EMILIN2: variants seen among roughly 807,000 people sequenced by gnomAD.
EMILIN2 encodes the protein EMILIN-2.
In EMILIN2, 71 loss-of-function variants were observed where a neutral mutation model predicts 87.1. That is an observed-to-expected ratio of 0.82 (90% CI 0.67 to 0.99). EMILIN2 has a LOEUF of 0.99. EMILIN2 is among the 50% of genes least tolerant of loss of function. EMILIN2 has a pLI of 0.00. For synonymous variants in EMILIN2, 581 were observed against 563.4 expected (o/e 1.03, Z -0.44); for missense variants, 1,407 against 1,371.8 (o/e 1.03, Z -0.40).
intron 2 of EMILIN2, among the ~76,000 whole-genome samples, chr18:2,883,208 G>A (rs914477304): frequency 2.6e-5 from 4 of 152,174 alleles, no homozygotes; most frequent in Non-Finnish European, 5.9e-5. Flanking sequence ...GTAATTGTCA[G>A]TGTGTGACCC....
At chr18:2,896,217 T>C (rs549020191) in intron 4 of EMILIN2, among the ~76,000 whole-genome samples, 1 of 152,080 alleles carries the variant, frequency 6.6e-6, no homozygotes, top group South Asian at 2.1e-4. Flanking sequence ...CCTTTGTTGC[T>C]GGGGCTGGAG....
intron 2 of EMILIN2, among the ~76,000 whole-genome samples, chr18:2,867,990 C>CG (rs1473069310): frequency 2.0e-5 from 3 of 151,810 alleles, no homozygotes; most frequent in Non-Finnish European, 4.4e-5. Flanking sequence ...CTGACCCCCC[C>CG]ACCTCCCTCC....
intron 7 of EMILIN2, 53 bp from the exon 8 acceptor site, chr18:2,913,014 G>A: frequency 6.3e-7 from 1 of 1,583,532 alleles, no homozygotes; most frequent in Admixed American, 1.7e-5. Flanking sequence ...TACTACCATG[G>A]CAAGGGCTGT....
In EMILIN2 at chr18:2,908,391, G is replaced by C. The variant is rs575826814; in HGVS notation, c.2663-552G>C. On this transcript the variant is annotated intron_variant, in intron 5 of 7. Transcript: ENST00000254528. The stretch of plus-strand genomic sequence containing the variant: ...ATATGCAGAGGCTGGGGCACCCCAG[G>C]GACCCACCCACCCATGTATCCATGC... Among the ~76,000 whole-genome samples the C allele has an allele frequency of 3.3e-5, 5 of 152,024 alleles. No homozygotes were observed. In the East Asian group the frequency reaches 5.8e-4, roughly 18 times the overall value.
At position 2,871,463 on chromosome 18, in the gene EMILIN2, G is replaced by T. The variant is rs117903775; in HGVS notation, c.258-13501G>T. On this transcript the variant is annotated intron_variant, in intron 2 of 7. Transcript: ENST00000254528. Reference sequence around the variant, plus strand: ...GTTGGGGGACCATGTGGGGTGAGGGGCACAGGAGGGACTCACTCAGGAGAC... The same window carrying T: ...GTTGGGGGACCATGTGGGGTGAGGGTCACAGGAGGGACTCACTCAGGAGAC... 9.1e-4 allele frequency among the ~76,000 whole-genome samples: 138 copies of T among 152,290 alleles called. 1 individual carries two copies. In the East Asian group the frequency reaches 0.021, roughly 23 times the overall value.
At chr18:2,847,000 G>A, upstream of EMILIN2, 2 of 1,034,502 alleles carry the variant, frequency 1.9e-6, no homozygotes, top group Non-Finnish European at 1.2e-6. The surrounding 1 kb of genome is among the most constrained non-coding windows in gnomAD (Gnocchi z 5.3). Flanking sequence ...GGGCGCACGG[G>A]GCTGCAGAAG....
At chr18:2,912,349 C>A (rs779842451) in intron 7 of EMILIN2, among the ~76,000 whole-genome samples, 1 of 152,062 alleles carries the variant, frequency 6.6e-6, no homozygotes, top group African/African-American at 2.4e-5. Context: ...CCAGGACCAC[C>A]CTTTTTAGCT....
chr18:2,913,478 T>C lies in EMILIN2; in HGVS notation c.*74T>C. The C allele has an allele frequency of 7.9e-7, 1 of 1,264,290 alleles. No individual in the cohort carries two copies. The highest frequency in any genetic ancestry group is 1.5e-5 in the African/African-American group (1 of 66,700). 78.3% of individuals were successfully genotyped at this position (1,264,290 alleles called of 1,614,324 possible). ...AAAGCTTTAATATATTCGGTTTGTA[T>C]GTAATGGAAGCACGGGGCTAGAGTT... On this transcript the variant is annotated 3_prime_UTR_variant, in exon 8 of 8. Coordinates refer to ENST00000254528, the MANE Select transcript of EMILIN2 (RefSeq NM_032048.3).
chr18:2,903,936 T>A (rs1167831914), intron 4 of EMILIN2, among the ~76,000 whole-genome samples: 1 of 152,252 alleles, frequency 6.6e-6, no homozygotes, highest in Non-Finnish European at 1.5e-5. Context: ...TTTTACTCTC[T>A]GTTGCTTTTT....
chr18:2,860,509 T>C (rs1349550186), intron 2 of EMILIN2, among the ~76,000 whole-genome samples: 4 of 152,206 alleles, frequency 2.6e-5, no homozygotes, highest in Admixed American at 6.5e-5. Context: ...GTCCTTGTGA[T>C]AGTTTGCTGA....
At chr18:2,862,711 G>T (rs1300977072) in intron 2 of EMILIN2, among the ~76,000 whole-genome samples, 1 of 152,116 alleles carries the variant, frequency 6.6e-6, no homozygotes, top group Non-Finnish European at 1.5e-5. Context: ...GCCAGGTTTT[G>T]GTATCAGGAT....
Position 2,847,879 on chromosome 18 carries a change from C to A in EMILIN2, c.205C>A (p.Gln69Lys), listed in dbSNP as rs1160046345. 1.2e-6 allele frequency: 2 copies of A among 1,613,422 alleles called. No individual in the cohort carries two copies. The highest frequency in any genetic ancestry group is 1.7e-6 in the Non-Finnish European group (2 of 1,179,808). The change falls in exon 2 of 8, where the codon CAG (glutamine) becomes AAG (lysine). Residue 69 changes from glutamine (Q) to lysine (K), a missense_variant. By Grantham distance (53) the Gln-to-Lys change is moderately conservative. Coordinates refer to ENST00000254528, the MANE Select transcript of EMILIN2 (RefSeq NM_032048.3). The surrounding 1 kb of genome is among the most constrained non-coding windows in gnomAD (Gnocchi z 4.5). ...SVLEGSESFI[Q>K]AQYNCAWNQM... ...GCTGGAGGGAAGTGAGAGTTTTATT[C>A]AGGCTCAGTACAACTGTGCCTGGAA...
chr18:2,903,928 T>C (rs948615959), intron 4 of EMILIN2, among the ~76,000 whole-genome samples: 9 of 152,258 alleles, frequency 5.9e-5, no homozygotes, highest in Admixed American at 1.3e-4. Flanking sequence ...CCCCTTTCTT[T>C]TACTCTCTGT....
At chr18:2,889,647 A>T (rs1382416195) in intron 3 of EMILIN2, among the ~76,000 whole-genome samples, 3 of 141,218 alleles carry the variant, frequency 2.1e-5, no homozygotes, top group Non-Finnish European at 4.7e-5. Flanking sequence ...TCAAAATAAG[A>T]TTACCCAAAA....
chr18:2,902,859 G>C (rs1296504292), intron 4 of EMILIN2, among the ~76,000 whole-genome samples: 1 of 152,078 alleles, frequency 6.6e-6, no homozygotes, highest in Non-Finnish European at 1.5e-5. Flanking sequence ...CAAAGGAGAA[G>C]GAAGAGTGAA....
chr18:2,847,251 C>G lies in EMILIN2; in HGVS notation c.63C>G (p.Ala21=). ...GGCGCTGGGCGCTGGCGCTGCTGGCCCTGGTTGGCGCGGGGCTGTGCCACG... is the reference window on the plus strand; with the variant it reads ...GGCGCTGGGCGCTGGCGCTGCTGGCGCTGGTTGGCGCGGGGCTGTGCCACG... ...VPWRWALALL[A]LVGAGLCHAG... The change falls in exon 1 of 8, where the codon GCC becomes GCG. Residue 21 remains alanine, a synonymous_variant. Coordinates refer to ENST00000254528, the MANE Select transcript of EMILIN2 (RefSeq NM_032048.3). This position sits in a 1 kb window ranked among gnomAD's most constrained non-coding sequence, Gnocchi z 4.5. 2 of 1,292,398 alleles carry G rather than the reference C, an allele frequency of 1.5e-6. No individual in the cohort carries two copies. Among genetic ancestry groups the G allele is most frequent in the Non-Finnish European group, 2.0e-6 (2 of 1,021,970 alleles). 80.1% of individuals were successfully genotyped at this position (1,292,398 alleles called of 1,614,324 possible).
chr18:2,886,214 A>C (rs115746544), intron 3 of EMILIN2, among the ~76,000 whole-genome samples: 3,621 of 152,332 alleles, frequency 0.024, 129 homozygotes, highest in African/African-American at 0.079. Flanking sequence ...GAAAAAAGGC[A>C]GACAGAGTCC....
chr18:2,870,992 G>GAC (rs1467390823), intron 2 of EMILIN2, among the ~76,000 whole-genome samples: 1 of 152,040 alleles, frequency 6.6e-6, no homozygotes, highest in African/African-American at 2.4e-5. Flanking sequence ...GGTTTCTAAG[G>GAC]ACACTAGACC....
intron 4 of EMILIN2, among the ~76,000 whole-genome samples, chr18:2,898,439 G>A (rs769902572): frequency 1.1e-4 from 17 of 152,196 alleles, no homozygotes; most frequent in Admixed American, 6.5e-4. Flanking sequence ...TTCCTCTCCC[G>A]GTAGAGGAAG....
Sources: allele counts gnomAD v4.1 joint callset (sites outside exome capture counted in the v4.1 genomes callset), GRCh38; gene constraint gnomAD v4.1.1; non-coding constraint Gnocchi (gnomAD v3.1); transcripts MANE v1.5; gene names NCBI Gene and HGNC (gene_info 2026-07-23, HGNC 2026-07-21).